The following MED27 variants were observed in gnomAD, a reference collection of about 807,000 sequenced individuals.
MED27 encodes the protein mediator of RNA polymerase II transcription subunit 27.
Under a neutral mutation model 38.2 loss-of-function variants are expected in MED27, and 30 were observed. The observed-to-expected ratio is 0.79, with a 90% CI of 0.59 to 1.07. The LOEUF is 1.07. Among genes scored for constraint, MED27 ranks in the 50% least tolerant of loss-of-function variants. The pLI is 0.00. For synonymous variants in MED27, 122 were observed against 153.5 expected (o/e 0.79, Z 1.52); for missense variants, 289 against 397.5 (o/e 0.73, Z 2.32).
At chr9:131,893,721 T>C (rs1424237833) in intron 5 of MED27, among the ~76,000 whole-genome samples, 164 bp downstream of exon 5, 1 of 152,212 alleles carries the variant, frequency 6.6e-6, no homozygotes, top group Non-Finnish European at 1.5e-5. Flanking sequence ...GCAGAGAGAA[T>C]GAAATGTTTT....
chr9:131,936,166 A>G (rs1830681067), intron 4 of MED27, among the ~76,000 whole-genome samples: 1 of 151,854 alleles, frequency 6.6e-6, no homozygotes, highest in Non-Finnish European at 1.5e-5. Flanking sequence ...AAAGAAAGAA[A>G]GAAAGAAAAA....
intron 6 of MED27, chr9:131,868,937 C>T (rs561128012): frequency 1.0e-6 from 1 of 985,506 alleles, no homozygotes; most frequent in South Asian, 4.7e-5. Flanking sequence ...CGGCGGGAGC[C>T]ATGCGCCACA....
At chr9:131,904,665 G>GT (rs1043476578) in intron 4 of MED27, among the ~76,000 whole-genome samples, 13 of 152,080 alleles carry the variant, frequency 8.5e-5, no homozygotes, top group Non-Finnish European at 1.5e-4. Flanking sequence ...GGCCAACAAG[G>GT]TTTTTTTATG....
At chr9:132,025,727 T>C (rs1267459159) in intron 2 of MED27, among the ~76,000 whole-genome samples, 1 of 152,184 alleles carries the variant, frequency 6.6e-6, no homozygotes, top group Non-Finnish European at 1.5e-5. Flanking sequence ...CAGGTTTCAC[T>C]GAACAAAATC....
intron 4 of MED27, among the ~76,000 whole-genome samples, chr9:131,926,390 G>A (rs1170537239): frequency 1.3e-5 from 2 of 152,176 alleles, no homozygotes; most frequent in African/African-American, 2.4e-5. Flanking sequence ...TTCTCAAAAT[G>A]TACTCCACAG....
At chr9:131,907,183 G>A (rs976008454) in intron 4 of MED27, among the ~76,000 whole-genome samples, 1 of 152,088 alleles carries the variant, frequency 6.6e-6, no homozygotes, top group Non-Finnish European at 1.5e-5. Flanking sequence ...CTGTGACTAA[G>A]AATGCCTAAC....
At chr9:131,870,388 A>G (rs139019697) in intron 6 of MED27, among the ~76,000 whole-genome samples, 480 of 152,316 alleles carry the variant, frequency 3.2e-3, no homozygotes, top group African/African-American at 0.011. Flanking sequence ...TGTACGACGC[A>G]TGGCAAGCGC....
intron 4 of MED27, among the ~76,000 whole-genome samples, chr9:131,915,892 G>A (rs911817513): frequency 2.0e-5 from 3 of 152,144 alleles, no homozygotes; most frequent in Non-Finnish European, 2.9e-5. Flanking sequence ...GAGCCTGCCC[G>A]CTAATTACAA....
chr9:131,966,998 A>C (rs1004513359), intron 3 of MED27, among the ~76,000 whole-genome samples: 5 of 152,254 alleles, frequency 3.3e-5, no homozygotes, highest in African/African-American at 1.2e-4. Flanking sequence ...TCATCTGATA[A>C]AGAGGAACAA....
At position 131,884,091 on chromosome 9, in the gene MED27, T is replaced by C. The variant is rs1358505359; in HGVS notation, c.690A>G (p.Ile230Met). 8 of 1,609,106 alleles carry C rather than the reference T, an allele frequency of 5.0e-6. No individual in the cohort carries two copies. The Admixed American group carries it at 6.8e-5, about 14-fold the overall frequency. ...ATACTTGATAGTTGGATTTGGACCA[T>C]ATATCAAGCTGAGGGGAAAGGAGAG... Reference protein sequence around the residue: ...NVYTEDGKLDIWSKSNYQVFQ... With the variant: ...NVYTEDGKLDMWSKSNYQVFQ... Residue 230 changes from isoleucine to methionine, a missense_variant, in exon 6 of 8, where the codon ATA (isoleucine) becomes ATG (methionine). Coordinates refer to ENST00000292035, the MANE Select transcript of MED27 (RefSeq NM_004269.4).
intron 3 of MED27, among the ~76,000 whole-genome samples, chr9:131,993,413 GCTCA>G (rs1832021232): frequency 6.6e-6 from 1 of 152,158 alleles, no homozygotes; most frequent in South Asian, 2.1e-4. Flanking sequence ...AGAGACGCCT[GCTCA>G]GCTCCCCCTC....
At chr9:131,972,687 G>A (rs1447475050) in intron 3 of MED27, among the ~76,000 whole-genome samples, 1 of 152,166 alleles carries the variant, frequency 6.6e-6, no homozygotes, top group Non-Finnish European at 1.5e-5. Flanking sequence ...ATGGGAACAA[G>A]GTCAAGAAGA....
At position 131,939,476 on chromosome 9, in the gene MED27, T is replaced by C. The variant is rs1260400714; in HGVS notation, c.480-2A>G. 1.3e-6 allele frequency: 2 copies of C among 1,595,426 alleles called. No individual in the cohort carries two copies. The highest frequency in any genetic ancestry group is 1.7e-6 in the Non-Finnish European group (2 of 1,170,598). ...CGGCTGATCACATCATCAACATATC[T>C]ACATGGGAAAAAAATAAACATGTGT... On this transcript the variant is annotated splice_acceptor_variant, in intron 3 of 7. Coordinates refer to ENST00000292035, the MANE Select transcript of MED27 (RefSeq NM_004269.4). LOFTEE classifies it high-confidence loss of function.
intron 2 of MED27, among the ~76,000 whole-genome samples, chr9:132,018,913 T>C (rs1832662182): frequency 2.7e-5 from 1 of 37,540 alleles, no homozygotes; most frequent in South Asian, 1.2e-3. Context: ...TTCACTTTAT[T>C]TTTTTTTTAA....
chr9:131,909,153 C>T (rs1379075927), intron 4 of MED27, among the ~76,000 whole-genome samples: 1 of 152,000 alleles, frequency 6.6e-6, no homozygotes, highest in Admixed American at 6.6e-5. Flanking sequence ...GGTTTGAGCA[C>T]CAGGTAATGA....
chr9:131,923,736 G>A (rs963282661), intron 4 of MED27, among the ~76,000 whole-genome samples: 41 of 152,134 alleles, frequency 2.7e-4, no homozygotes, highest in African/African-American at 9.4e-4. Flanking sequence ...CCTGTGACAT[G>A]CCTTTCCCAT....
At chr9:132,032,585 T>G (rs1832987986) in intron 2 of MED27, among the ~76,000 whole-genome samples, 1 of 152,248 alleles carries the variant, frequency 6.6e-6, no homozygotes, top group Non-Finnish European at 1.5e-5. Flanking sequence ...AGACACATTT[T>G]CATTTGCACC....
At chr9:131,966,911 T>C (rs1831363363) in intron 3 of MED27, among the ~76,000 whole-genome samples, 1 of 152,256 alleles carries the variant, frequency 6.6e-6, no homozygotes, top group Non-Finnish European at 1.5e-5. Flanking sequence ...AAGTACTATC[T>C]GGATGCTCAC....
intron 4 of MED27, among the ~76,000 whole-genome samples, chr9:131,928,585 C>T (rs559653827): frequency 1.3e-5 from 2 of 152,244 alleles, no homozygotes; most frequent in African/African-American, 4.8e-5. Context: ...GGGGGACTTG[C>T]CATTGAACTC....
Sources: allele counts gnomAD v4.1 joint callset (sites outside exome capture counted in the v4.1 genomes callset), GRCh38; gene constraint gnomAD v4.1.1; transcripts MANE v1.5; gene names NCBI Gene and HGNC (gene_info 2026-07-23, HGNC 2026-07-21).